The following EZH2 variants were observed in gnomAD, a reference collection of about 807,000 sequenced individuals.
EZH2 encodes histone-lysine N-methyltransferase EZH2.
EZH2 carries 18 observed loss-of-function variants against 98.4 expected under a neutral mutation model. That is an observed-to-expected ratio of 0.18 (90% CI 0.13 to 0.27). EZH2 has a LOEUF of 0.27. Among genes scored for constraint, EZH2 ranks in the 10% least tolerant of loss-of-function variants. The probability of loss-of-function intolerance (pLI) is 1.00; values close to 1 mark genes in which losing one functional copy is unlikely to be tolerated. For synonymous variants in EZH2, 338 were observed against 312.3 expected (o/e 1.08, Z -0.87); for missense variants, 470 against 935.1 (o/e 0.50, Z 6.49).
chr7:148,877,472 C>A (rs994017590), intron 1 of EZH2, among the ~76,000 whole-genome samples: 1 of 152,164 alleles, frequency 6.6e-6, no homozygotes, highest in African/African-American at 2.4e-5. Flanking sequence ...ATTTATCAAA[C>A]ACTTTTTGCC....
chr7:148,852,078 A>G (rs536442037), intron 1 of EZH2, among the ~76,000 whole-genome samples: 8 of 152,184 alleles, frequency 5.3e-5, no homozygotes, highest in Admixed American at 2.0e-4. Context: ...AACAGATTAT[A>G]CCTCTATTCA....
intron 3 of EZH2, among the ~76,000 whole-genome samples, chr7:148,841,462 CA>C (rs1347491773): frequency 6.6e-6 from 1 of 152,058 alleles, no homozygotes; most frequent in Non-Finnish European, 1.5e-5. Flanking sequence ...TTCCTTGAGG[CA>C]ATAAGAATGA....
intron 1 of EZH2, among the ~76,000 whole-genome samples, chr7:148,863,806 G>T (rs955792213): frequency 6.6e-6 from 1 of 152,190 alleles, no homozygotes; most frequent in Non-Finnish European, 1.5e-5. Context: ...GAACAAAGAG[G>T]TATTATCAAG....
intron 1 of EZH2, among the ~76,000 whole-genome samples, chr7:148,871,401 A>AT (rs1258297119): frequency 1.8e-5 from 2 of 109,644 alleles, no homozygotes; most frequent in Non-Finnish European, 3.6e-5. Flanking sequence ...AAGACGAATA[A>AT]TTAAAAAAAA....
chr7:148,814,195 A>C, intron 14 of EZH2, 58 bp from the exon 15 acceptor site: 1 of 1,542,708 alleles, frequency 6.5e-7, no homozygotes, highest in Non-Finnish European at 8.9e-7. Context: ...ACTTGCAGAA[A>C]GATACGTGGC....
At chr7:148,851,227 C>CG (rs2129486415) in intron 1 of EZH2, among the ~76,000 whole-genome samples, 2 of 152,220 alleles carry the variant, frequency 1.3e-5, no homozygotes, top group South Asian at 4.1e-4. Flanking sequence ...AGAAACCCCC[C>CG]GCAAAAGGAG....
intron 3 of EZH2, among the ~76,000 whole-genome samples, chr7:148,833,953 T>C (rs1186871113): frequency 6.6e-6 from 1 of 152,158 alleles, no homozygotes; most frequent in Non-Finnish European, 1.5e-5. Context: ...CATAGTCCCT[T>C]GAAACACCAT....
intron 1 of EZH2, among the ~76,000 whole-genome samples, chr7:148,864,978 T>G (rs1418860666): frequency 6.6e-6 from 1 of 151,920 alleles, no homozygotes; most frequent in Non-Finnish European, 1.5e-5. Flanking sequence ...AATACAAAAA[T>G]TAGCCGGGTA....
At chr7:148,863,350 T>G (rs951699036) in intron 1 of EZH2, among the ~76,000 whole-genome samples, 2 of 152,218 alleles carry the variant, frequency 1.3e-5, no homozygotes, top group African/African-American at 4.8e-5. Context: ...GAATATTTAA[T>G]GAAGGGTACT....
At chr7:148,840,533 T>C (rs929913198) in intron 3 of EZH2, among the ~76,000 whole-genome samples, 1 of 152,200 alleles carries the variant, frequency 6.6e-6, no homozygotes, top group Non-Finnish European at 1.5e-5. Flanking sequence ...TACCTATTTC[T>C]GTGTTATCTA....
chr7:148,808,743 C>G (rs965264122), intron 19 of EZH2, among the ~76,000 whole-genome samples: 1 of 152,126 alleles, frequency 6.6e-6, no homozygotes, highest in Non-Finnish European at 1.5e-5. Flanking sequence ...ACAGTGTGAT[C>G]GCACTTATCT....
Position 148,818,078 on chromosome 7 carries a change from G to A in EZH2, c.1039C>T (p.Arg347Trp), listed in dbSNP as rs1427041861. The stretch of plus-strand genomic sequence containing the variant: ...GGACGTTTTGGTGGGGTCTTTATCC[G>A]CTCAGCGGTGAGAGCAGCAGCAAAC... The part of the protein sequence containing the change: ...KEFAAALTAE[R>W]IKTPPKRPGG... The change falls in exon 10 of 20, where the codon CGG becomes TGG. Residue 347 changes from arginine (R) to tryptophan (W), a missense_variant. Arg to Trp is a moderately radical substitution (Grantham distance 101, BLOSUM62 -3). Transcript: ENST00000320356. The A allele has an allele frequency of 5.0e-6, 8 of 1,610,880 alleles. No homozygotes were observed. The highest frequency in any genetic ancestry group is 1.7e-5 in the Admixed American group (1 of 59,518).
intron 12 of EZH2, 90 bp from the exon 13 acceptor site, chr7:148,815,636 G>T: frequency 8.8e-7 from 1 of 1,133,598 alleles, no homozygotes; most frequent in South Asian, 1.2e-5. Context: ...TCTGTGCCAT[G>T]AATACAGGAA....
At chr7:148,841,694 T>G (rs1164654414) in intron 3 of EZH2, among the ~76,000 whole-genome samples, 1 of 152,188 alleles carries the variant, frequency 6.6e-6, no homozygotes, top group Non-Finnish European at 1.5e-5. Context: ...TGAAATACAC[T>G]AGGATATTAT....
intron 4 of EZH2, 84 bp downstream of exon 4, chr7:148,832,550 T>A: frequency 1.3e-6 from 1 of 764,890 alleles, no homozygotes; most frequent in Non-Finnish European, 2.1e-6. Context: ...ACTGTCTTGA[T>A]TCACCTTGAC....
chr7:148,883,129 T>C (rs564609789), intron 1 of EZH2: 7 of 152,212 alleles, frequency 4.6e-5, no homozygotes, highest in Admixed American at 4.6e-4. Flanking sequence ...CTCAGATGTA[T>C]CACACAAGTT....
At chr7:148,870,135 G>A (rs1819139934) in intron 1 of EZH2, among the ~76,000 whole-genome samples, 1 of 152,154 alleles carries the variant, frequency 6.6e-6, no homozygotes, top group South Asian at 2.1e-4. Context: ...ATTACTTAAG[G>A]AATTAAGTGG....
chr7:148,818,526 G>A lies in EZH2; in HGVS notation c.1000-409C>T, dbSNP rs558520611. On this transcript the variant is annotated intron_variant, in intron 9 of 19. Coordinates refer to ENST00000320356, the MANE Select transcript of EZH2 (RefSeq NM_004456.5). ...AAAGAATCATATACCTAATGTGCAC[G>A]GAGTCAGACTACCTATGCAGAGTTT... Among the ~76,000 whole-genome samples the A allele has an allele frequency of 7.2e-5, 11 of 152,220 alleles. No homozygotes were observed. The East Asian group carries it at 1.4e-3, about 19-fold the overall frequency.
At chr7:148,828,049 C>T (rs756800791) in intron 6 of EZH2, among the ~76,000 whole-genome samples, 2 of 152,158 alleles carry the variant, frequency 1.3e-5, no homozygotes, top group Non-Finnish European at 2.9e-5. Flanking sequence ...ACCCAGGAGG[C>T]GAAGCTTGCA....
Sources: allele counts gnomAD v4.1 joint callset (sites outside exome capture counted in the v4.1 genomes callset), GRCh38; gene constraint gnomAD v4.1.1; transcripts MANE v1.5; gene names NCBI Gene and HGNC (gene_info 2026-07-23, HGNC 2026-07-21).